RUNX1T1: variants seen among roughly 807,000 people sequenced by gnomAD.
The protein encoded by RUNX1T1 is protein CBFA2T1.
Under a neutral mutation model 62.8 loss-of-function variants are expected in RUNX1T1, and 4 were observed. That is an observed-to-expected ratio of 0.06 (90% CI 0.03 to 0.15). RUNX1T1 has a LOEUF of 0.15. Ranked by LOEUF, RUNX1T1 falls within the 10% of genes least tolerant of loss-of-function variation. The pLI is 1.00. For synonymous variants in RUNX1T1, 291 were observed against 286.0 expected, an observed-to-expected ratio of 1.02 and a Z score of -0.18; for missense variants, 508 against 754.3, an observed-to-expected ratio of 0.67 and a Z score of 3.82.
chr8:92,060,553 A>ATATGTGTGTGTGTGTGTGTG, intron 1 of RUNX1T1, among the ~76,000 whole-genome samples: 3 of 63,970 alleles, frequency 4.7e-5, no homozygotes, highest in Non-Finnish European at 6.5e-5. Flanking sequence ...ATATATATAT[A>ATATGTGTGTGTGTGTGTGTG]TGTGTGTGTG....
At chr8:92,094,374 T>C (rs976921794) in intron 1 of RUNX1T1, among the ~76,000 whole-genome samples, 5 of 152,250 alleles carry the variant, frequency 3.3e-5, no homozygotes, top group Non-Finnish European at 7.3e-5. Context: ...ATTACAATGT[T>C]TCAAATACTT....
At chr8:91,962,727 G>A (rs1810769672) in intron 10 of RUNX1T1, among the ~76,000 whole-genome samples, 1 of 152,158 alleles carries the variant, frequency 6.6e-6, no homozygotes, top group Non-Finnish European at 1.5e-5. Context: ...AACAAACTCA[G>A]CAAATAAGCT....
At chr8:92,001,306 G>A (rs1032301704) in intron 5 of RUNX1T1, among the ~76,000 whole-genome samples, 2 of 152,142 alleles carry the variant, frequency 1.3e-5, no homozygotes, top group Admixed American at 6.5e-5. Flanking sequence ...AAGGTGGGAG[G>A]ATCACATGAG....
chr8:91,992,327 G>T (rs1817843795), intron 5 of RUNX1T1, among the ~76,000 whole-genome samples: 1 of 152,164 alleles, frequency 6.6e-6, no homozygotes, highest in Non-Finnish European at 1.5e-5. Context: ...CTTGGTATCT[G>T]ACTTCTGTGT....
Position 92,094,627 on chromosome 8 carries a change from C to T in RUNX1T1, c.-86+4953G>A, listed in dbSNP as rs79546261. ...TATCACGCATTTAAAACAAGTCACA[C>T]AAAACCAAACATTAATGATCAATCC... On this transcript the variant is annotated intron_variant, in intron 1 of 11. Coordinates refer to the RUNX1T1 transcript ENST00000265814. Among the ~76,000 whole-genome samples, 56 of 152,272 alleles carry T rather than the reference C, an allele frequency of 3.7e-4. No individual in the cohort carries two copies. In the East Asian group the frequency reaches 9.4e-3, roughly 26 times the overall value.
chr8:92,053,725 T>G (rs1830584073), intron 1 of RUNX1T1, among the ~76,000 whole-genome samples: 2 of 152,200 alleles, frequency 1.3e-5, no homozygotes, highest in Admixed American at 6.5e-5. Flanking sequence ...CTTTGTGTAT[T>G]ATTTCTTTCT....
At chr8:92,029,035 C>T (rs1478414579) in intron 1 of RUNX1T1, among the ~76,000 whole-genome samples, 2 of 152,150 alleles carry the variant, frequency 1.3e-5, no homozygotes, top group Non-Finnish European at 2.9e-5. Context: ...CACAGACACT[C>T]AGTAGAGTCA....
chr8:91,970,553 A>T, intron 10 of RUNX1T1, 105 bp downstream of exon 11: 1 of 1,086,838 alleles, frequency 9.2e-7, no homozygotes, highest in Non-Finnish European at 1.3e-6. Context: ...ACTGTTCTAA[A>T]TTTTTTTCCA....
intron 1 of RUNX1T1, among the ~76,000 whole-genome samples, chr8:92,060,922 T>TGAGAGAGAGA (rs56103756): frequency 1.5e-4 from 22 of 146,518 alleles, no homozygotes; most frequent in Middle Eastern, 7.1e-3. Context: ...ACACAGTTGA[T>TGAGAGAGAGA]GAGAGAGAGA....
chr8:92,018,859 T>G (rs909526547), intron 1 of RUNX1T1, among the ~76,000 whole-genome samples: 1 of 152,218 alleles, frequency 6.6e-6, no homozygotes, highest in African/African-American at 2.4e-5. Context: ...ATTATTATTA[T>G]TGATGAGTTA....
At chr8:91,998,678 C>T (rs979895886) in intron 5 of RUNX1T1, among the ~76,000 whole-genome samples, 2 of 152,194 alleles carry the variant, frequency 1.3e-5, no homozygotes, top group South Asian at 4.1e-4. Flanking sequence ...CTGTTACTGG[C>T]TGTTTCCCTT....
At chr8:92,029,636 C>T (rs1825869778) in intron 1 of RUNX1T1, among the ~76,000 whole-genome samples, 1 of 152,140 alleles carries the variant, frequency 6.6e-6, no homozygotes, top group African/African-American at 2.4e-5. Flanking sequence ...CCCACACTTG[C>T]CACTATCAAA....
At chr8:92,047,825 C>T (rs1226621021) in intron 1 of RUNX1T1, among the ~76,000 whole-genome samples, 4 of 151,950 alleles carry the variant, frequency 2.6e-5, no homozygotes, top group African/African-American at 4.8e-5. Context: ...CCAAAATTGC[C>T]TCTTAGGTTA....
rs748122685 is a variant in RUNX1T1 at position 92,095,615 on chromosome 8, GGAGA to G, written c.-86+3961_-86+3964del. ...CGGAGCGGGAGAGGGAGGAAAAGTG[GGAGA>G]GAGAGAGAGAAGACAGAAAGGGACA... is the stretch of plus-strand genomic sequence containing the variant. On this transcript the variant is annotated intron_variant, in intron 1 of 11. Coordinates refer to the RUNX1T1 transcript ENST00000265814. 206 of 1,378,234 alleles carry G rather than the reference GGAGA, an allele frequency of 1.5e-4. 1 individual carries two copies. Among genetic ancestry groups the G allele is most frequent in the Non-Finnish European group, 1.8e-4 (188 of 1,060,214 alleles). 85.4% of individuals were successfully genotyped at this position (1,378,234 alleles called of 1,614,324 possible).
chr8:92,047,667 C>T (rs1421915859), intron 1 of RUNX1T1, among the ~76,000 whole-genome samples: 1 of 151,752 alleles, frequency 6.6e-6, no homozygotes, highest in Non-Finnish European at 1.5e-5. Flanking sequence ...ACTTACAGAC[C>T]TATCATAACT....
At chr8:92,030,520 G>T (rs1382405704) in intron 1 of RUNX1T1, among the ~76,000 whole-genome samples, 1 of 152,140 alleles carries the variant, frequency 6.6e-6, no homozygotes, top group Non-Finnish European at 1.5e-5. Flanking sequence ...TTCAGTAATA[G>T]AAAGAATAAA....
chr8:92,078,678 G>A (rs894452410), intron 1 of RUNX1T1, among the ~76,000 whole-genome samples: 4 of 152,146 alleles, frequency 2.6e-5, no homozygotes, highest in Non-Finnish European at 5.9e-5. Context: ...TCTGCGATCC[G>A]TGCAGTAGTT....
chr8:92,022,904 A>G (rs962402408), intron 1 of RUNX1T1, among the ~76,000 whole-genome samples: 9 of 152,330 alleles, frequency 5.9e-5, no homozygotes, highest in African/African-American at 2.2e-4. Context: ...TGTTGCAGAC[A>G]CTGTTGAGTT....
At chr8:92,029,030 ACACT>A (rs1468349666) in intron 1 of RUNX1T1, among the ~76,000 whole-genome samples, 2 of 152,228 alleles carry the variant, frequency 1.3e-5, no homozygotes, top group African/African-American at 4.8e-5. Flanking sequence ...GGTAGCACAG[ACACT>A]CAGTAGAGTC....
Sources: allele counts gnomAD v4.1 joint callset (sites outside exome capture counted in the v4.1 genomes callset), GRCh38; gene constraint gnomAD v4.1.1; transcripts MANE v1.5; gene names NCBI Gene and HGNC (gene_info 2026-07-23, HGNC 2026-07-21).